The following AIRE variants were observed in gnomAD, a reference collection of about 807,000 sequenced individuals.
AIRE encodes autoimmune polyendocrinopathy candidiasis ectodermal dystrophy protein.
A neutral mutation model predicts 62.1 loss-of-function variants in AIRE; 52 were observed. That is an observed-to-expected ratio of 0.84 (90% confidence interval 0.67 to 1.06). The LOEUF (loss-of-function observed/expected upper bound fraction) is 1.06, where lower values mean the gene tolerates loss of function less well. Among genes scored for constraint, AIRE ranks in the 50% least tolerant of loss-of-function variants. The pLI, the probability that AIRE is intolerant of heterozygous loss-of-function variation, is 0.00. For missense variants in AIRE, 774 were observed against 755.8 expected (o/e 1.02, Z -0.28); for synonymous variants, 342 against 321.6 (o/e 1.06, Z -0.68).
rs146377356 is a variant in AIRE, at chr21:44,289,658, C to T, written c.654C>T (p.Gly218=). The change falls in exon 6 of 14, where the codon GGC becomes GGT. Residue 218 remains glycine, a splice_region_variant and synonymous_variant. Transcript: ENST00000291582. ...GILIQQVFES[G]GSKKCIQVGG... ...GGACCAGCCGGCATCTCCTCCCAGG[C>T]GGCTCCAAGAAGTGCATCCAGGTTG... 6.3e-5 allele frequency: 101 copies of T among 1,612,592 alleles called. No individual in the cohort carries two copies. The highest frequency in any genetic ancestry group is 1.6e-4 in the Middle Eastern group (1 of 6,084).
intron 13 of AIRE, among the ~76,000 whole-genome samples, chr21:44,296,837 TC>T (rs2040614911): frequency 7.4e-6 from 1 of 136,036 alleles, no homozygotes; most frequent in Non-Finnish European, 1.6e-5. Flanking sequence ...GGGGGGGGGG[TC>T]CCAGACCCCG....
At chr21:44,294,961 C>A (rs1601971013) in intron 12 of AIRE, among the ~76,000 whole-genome samples, 2 of 152,208 alleles carry the variant, frequency 1.3e-5, no homozygotes, top group East Asian at 3.9e-4. Context: ...CCGGGTCCAG[C>A]CAGTAGCTCT....
intron 12 of AIRE, among the ~76,000 whole-genome samples, chr21:44,295,958 G>A (rs1349389667): frequency 6.6e-6 from 1 of 152,178 alleles, no homozygotes; most frequent in East Asian, 1.9e-4. Flanking sequence ...CTCTGCTGGG[G>A]GTGCCTGCCT....
At chr21:44,296,275 C>T in intron 12 of AIRE, 108 bp from the exon 13 acceptor site, 1 of 1,016,754 alleles carries the variant, frequency 9.8e-7, no homozygotes. Context: ...TAAGAATTCC[C>T]ATCTCAGTGT....
rs912713336 is a variant in AIRE at position 44,287,256 on chromosome 21, G to A, written c.463+123G>A. ...GTGTGGGGCCAGCCTGCCTGGGGCT[G>A]TGGGGGTCTCCTCTGGGTACTAGAC... On this transcript the variant is annotated intron_variant, in intron 3 of 13. Coordinates refer to ENST00000291582, the MANE Select transcript of AIRE (RefSeq NM_000383.4). The surrounding 1 kb of genome is among the most constrained non-coding windows in gnomAD (Gnocchi z 4.3). The A allele has an allele frequency of 5.7e-6, 7 of 1,231,026 alleles. No individual in the cohort carries two copies. The African/African-American group carries it at 9.1e-5, about 16-fold the overall frequency. 76.3% of individuals were successfully genotyped at this position (1,231,026 alleles called of 1,614,324 possible).
chr21:44,288,576 A>G, intron 5 of AIRE, 118 bp downstream of exon 5: 1 of 738,178 alleles, frequency 1.4e-6, no homozygotes, highest in South Asian at 1.8e-5. Flanking sequence ...TTGCTCAGGT[A>G]GCCAGAGTTT....
Position 44,287,283 on chromosome 21 carries a change from C to A in AIRE, c.463+150C>A. Reference sequence around the variant, plus strand: ...GGGGGTCTCCTCTGGGTACTAGACCCACACACTGGACCAGCCTCTCAGCTC... The same window carrying A: ...GGGGGTCTCCTCTGGGTACTAGACCAACACACTGGACCAGCCTCTCAGCTC... On this transcript the variant is annotated intron_variant, in intron 3 of 13. Coordinates refer to ENST00000291582, the MANE Select transcript of AIRE (RefSeq NM_000383.4). The surrounding 1 kb of genome is among the most constrained non-coding windows in gnomAD (Gnocchi z 4.3). 1.1e-6 allele frequency: 1 copy of A among 948,466 alleles called. No homozygotes were observed. Among genetic ancestry groups the A allele is most frequent in the Non-Finnish European group, 1.6e-6 (1 of 634,542 alleles). The allele number at this position is 948,466 out of a possible 1,614,324, so 58.8% of individuals were successfully genotyped here. A position where few individuals can be genotyped will look rare whatever the true frequency, so the allele number is the denominator to read the frequency against.
rs151102849 is a variant in AIRE, at chr21:44,297,074, C to T, written c.1567-582C>T. Among the ~76,000 whole-genome samples, 96 of 152,348 alleles carry T rather than the reference C, an allele frequency of 6.3e-4. No homozygotes were observed. Among genetic ancestry groups the T allele is most frequent in the African/African-American group, 2.1e-3 (86 of 41,596 alleles). The stretch of plus-strand genomic sequence containing the variant: ...CCCTGTGCAGTGGCCGTGCCCCACA[C>T]ACCCTGACCGTGCAGGTGTCTGCAG... On this transcript the variant is annotated intron_variant, in intron 13 of 13. Coordinates refer to ENST00000291582, the MANE Select transcript of AIRE (RefSeq NM_000383.4). The surrounding 1 kb of genome is among the most constrained non-coding windows in gnomAD (Gnocchi z 4.8).
In AIRE at chr21:44,294,373, G is replaced by A. The variant is rs1800526; in HGVS notation, c.1401-28G>A. The A allele has an allele frequency of 1.3e-6, 2 of 1,500,690 alleles. No homozygotes were observed. Among genetic ancestry groups the A allele is most frequent in the Non-Finnish European group, 9.0e-7 (1 of 1,114,770 alleles). The allele number at this position is 1,500,690 out of a possible 1,614,324, so 93.0% of individuals were successfully genotyped here. The stretch of plus-strand genomic sequence containing the variant: ...GGTGGCACTCCTGCTCCCCCCCAGG[G>A]CTGGCAGCCCCTCATCCTCTGCTGC... On this transcript the variant is annotated intron_variant, in intron 11 of 13. Coordinates refer to ENST00000291582, the MANE Select transcript of AIRE (RefSeq NM_000383.4).
rs536365800 is a variant in AIRE, at chr21:44,295,427, C to T, written c.1503+924C>T. On this transcript the variant is annotated intron_variant, in intron 12 of 13. Transcript: ENST00000291582. ...GGGCTTTTGTGGAACAGTGGCGTGG[C>T]CCACAGCTGTCACTGTCCCCTTCCT... is the stretch of plus-strand genomic sequence containing the variant. Among the ~76,000 whole-genome samples the T allele has an allele frequency of 3.2e-3, 485 of 152,322 alleles. 5 individuals are homozygous for T. The highest frequency in any genetic ancestry group is 0.011 in the African/African-American group (457 of 41,564).
At chr21:44,294,818 C>T (rs1179976575) in intron 12 of AIRE, among the ~76,000 whole-genome samples, 1 of 152,142 alleles carries the variant, frequency 6.6e-6, no homozygotes, top group Non-Finnish European at 1.5e-5. Context: ...GAAGGGAGAG[C>T]GGGAGCGCCC....
In AIRE at chr21:44,287,707, C is replaced by A; in HGVS notation, c.538+116C>A. 2 of 1,117,876 alleles carry A rather than the reference C, an allele frequency of 1.8e-6. No individual in the cohort carries two copies. Among genetic ancestry groups the A allele is most frequent in the Non-Finnish European group, 2.6e-6 (2 of 762,532 alleles). 69.2% of individuals were successfully genotyped at this position (1,117,876 alleles called of 1,614,324 possible). Reference sequence around the variant, plus strand: ...TCCTAGGGGCTGGGGACGTGCTGGCCTGGTGTGTCATTCCAAGGGCCTAAG... The same window carrying A: ...TCCTAGGGGCTGGGGACGTGCTGGCATGGTGTGTCATTCCAAGGGCCTAAG... On this transcript the variant is annotated intron_variant, in intron 4 of 13. Coordinates refer to ENST00000291582, the MANE Select transcript of AIRE (RefSeq NM_000383.4). This position sits in a 1 kb window ranked among gnomAD's most constrained non-coding sequence, Gnocchi z 4.3.
intron 7 of AIRE, 158 bp from the exon 8 acceptor site, chr21:44,290,937 G>A (rs1415299363): frequency 1.2e-6 from 2 of 1,611,984 alleles, no homozygotes; most frequent in Non-Finnish European, 1.7e-6. Flanking sequence ...GGTGGTCAGG[G>A]CAGAATTTCA....
chr21:44,289,829 C>T, intron 6 of AIRE, 27 bp downstream of exon 6: 1 of 1,612,066 alleles, frequency 6.2e-7, no homozygotes, highest in Non-Finnish European at 8.5e-7. Context: ...CCCTGGGGAG[C>T]CTGGCTCTTG....
chr21:44,291,596 T>C (rs774974837), intron 8 of AIRE, among the ~76,000 whole-genome samples: 2 of 149,506 alleles, frequency 1.3e-5, no homozygotes, highest in African/African-American at 2.4e-5. Context: ...GCCACAGAGC[T>C]GTGCCCCCCA....
rs1012965770 is a variant in AIRE, at chr21:44,287,921, A to G, written c.538+330A>G. Among the ~76,000 whole-genome samples, 4 of 152,090 alleles carry G rather than the reference A, an allele frequency of 2.6e-5. No homozygotes were observed. Among genetic ancestry groups the G allele is most frequent in the African/African-American group, 9.7e-5 (4 of 41,406 alleles). ...AAAATCATCCCTGGCCCCCAGCTGCATGCAGGCTGAACCCTTCCTGTCCCC... is the reference window on the plus strand; with the variant it reads ...AAAATCATCCCTGGCCCCCAGCTGCGTGCAGGCTGAACCCTTCCTGTCCCC... On this transcript the variant is annotated intron_variant, in intron 4 of 13. Transcript: ENST00000291582. The surrounding 1 kb of genome is among the most constrained non-coding windows in gnomAD (Gnocchi z 4.3).
Position 44,287,528 on chromosome 21 carries a change from A to G in AIRE, c.475A>G (p.Lys159Glu). ...RGTASPGSQL[K>E]AKPPKKPESS... ...GCTCCCCCATTCAGGCTCTCAACTG[A>G]AGGCCAAGCCCCCCAAGAAGCCGGA... Residue 159 changes from lysine (K) to glutamate (E), a missense_variant, in exon 4 of 14, where the codon AAG becomes GAG. Physicochemically the swap from Lys to Glu is moderately conservative, Grantham distance 56. This residue lies in a region of AIRE where 385 missense variants were observed against 396.0 expected (regional missense o/e 0.97). Coordinates refer to ENST00000291582, the MANE Select transcript of AIRE (RefSeq NM_000383.4). The surrounding 1 kb of genome is among the most constrained non-coding windows in gnomAD (Gnocchi z 4.3). 6.4e-7 allele frequency: 1 copy of G among 1,555,620 alleles called. No homozygotes were observed. The highest frequency in any genetic ancestry group is 1.4e-5 in the African/African-American group (1 of 73,444).
intron 9 of AIRE, 33 bp from the exon 10 acceptor site, chr21:44,292,960 G>T (rs767627556): frequency 6.2e-7 from 1 of 1,604,494 alleles, no homozygotes; most frequent in Non-Finnish European, 8.5e-7. Flanking sequence ...GCAGGCGCCC[G>T]CTGCCCCTCT....
chr21:44,294,455 G>T lies in AIRE; in HGVS notation c.1455G>T (p.Glu485Asp). Residue 485 changes from glutamate (E) to aspartate (D), a missense_variant, in exon 12 of 14, where the codon GAG becomes GAT. Physicochemically the swap from Glu to Asp is conservative, Grantham distance 45. Coordinates refer to ENST00000291582, the MANE Select transcript of AIRE (RefSeq NM_000383.4). ...CSGDVTPAPVEGVLAPSPARL... is the reference protein window; with the variant it reads ...CSGDVTPAPVDGVLAPSPARL... ...GAGACGTGACCCCAGCCCCTGTGGA[G>T]GGGGTGCTGGCCCCCAGCCCCGCCC... The T allele has an allele frequency of 1.3e-6, 2 of 1,566,888 alleles. No homozygotes were observed. Among genetic ancestry groups the T allele is most frequent in the South Asian group, 1.2e-5 (1 of 85,902 alleles).
Sources: gnomAD v4.1 joint callset for allele counts (sites outside exome capture counted in the v4.1 genomes callset) on GRCh38, gnomAD v4.1.1 for gene constraint, gnomAD v4.1.1 regional missense constraint, Gnocchi (gnomAD v3.1) non-coding constraint, MANE v1.5 for transcripts, NCBI Gene and HGNC (gene_info 2026-07-23, HGNC 2026-07-21) for gene names.